Variants in CD44 observed in about 807,000 individuals in gnomAD.
CD44 encodes the protein CD44 molecule (IN blood group), also known as CD44 antigen.
In CD44, 49 loss-of-function variants were observed where a neutral mutation model predicts 88.8. That is an observed-to-expected ratio of 0.55 (90% CI 0.44 to 0.70). The LOEUF is 0.70. Among genes scored for constraint, CD44 ranks in the 30% least tolerant of loss-of-function variants. The pLI, the probability that CD44 is intolerant of heterozygous loss-of-function variation, is 0.00. For synonymous variants in CD44, 325 were observed against 312.3 expected (o/e 1.04, Z -0.43); for missense variants, 883 against 913.8 (o/e 0.97, Z 0.43).
intron 9 of CD44, among the ~76,000 whole-genome samples, chr11:35,203,569 A>C (rs1285335532): frequency 6.6e-6 from 1 of 152,168 alleles, no homozygotes; most frequent in African/African-American, 2.4e-5. Context: ...AAATGAGGAC[A>C]GTTATATTTT....
chr11:35,173,421 G>A (rs1944123044), intron 1 of CD44, among the ~76,000 whole-genome samples: 1 of 152,226 alleles, frequency 6.6e-6, no homozygotes, highest in South Asian at 2.1e-4. Context: ...AGGGCCTTAT[G>A]CATTTCCTTC....
chr11:35,187,688 A>C (rs1163562411), intron 4 of CD44, among the ~76,000 whole-genome samples: 2 of 152,190 alleles, frequency 1.3e-5, no homozygotes, highest in African/African-American at 2.4e-5. Context: ...ATAAAGAGGG[A>C]TTAATAAGTG....
At chr11:35,195,850 T>C (rs1946688324) in intron 5 of CD44, among the ~76,000 whole-genome samples, 1 of 152,180 alleles carries the variant, frequency 6.6e-6, no homozygotes, top group South Asian at 2.1e-4. Flanking sequence ...AATGTCCTGT[T>C]CTGCTTTGCA....
intron 1 of CD44, among the ~76,000 whole-genome samples, chr11:35,166,391 G>T (rs910074150): frequency 3.3e-5 from 5 of 151,828 alleles, no homozygotes; most frequent in Admixed American, 2.0e-4. Flanking sequence ...GACCAGGAGT[G>T]GGGGGTTAAA....
chr11:35,180,798 G>T (rs1213778902), intron 3 of CD44, among the ~76,000 whole-genome samples: 2 of 152,186 alleles, frequency 1.3e-5, no homozygotes, highest in Admixed American at 6.5e-5. Flanking sequence ...CACATTCAAA[G>T]TCATCCTGGA....
At chr11:35,221,594 T>G in intron 16 of CD44, 60 bp from the exon 17 acceptor site, 2 of 1,449,550 alleles carry the variant, frequency 1.4e-6, no homozygotes, top group African/African-American at 1.4e-5. Flanking sequence ...AAAGTGCATT[T>G]TTGTTTTTAC....
rs115524600 is a variant in CD44, at chr11:35,145,928, C to T, written c.67+6558C>T. On this transcript the variant is annotated intron_variant, in intron 1 of 17. Coordinates refer to ENST00000428726, the MANE Select transcript of CD44 (RefSeq NM_000610.4). Reference sequence around the variant, plus strand: ...GGGGAGCCACTTTGGCAATGGCAAACGGTGTCTCCTCTCCACAGAGCTTGT... The same window carrying T: ...GGGGAGCCACTTTGGCAATGGCAAATGGTGTCTCCTCTCCACAGAGCTTGT... 7.0e-3 allele frequency among the ~76,000 whole-genome samples: 1,069 copies of T among 152,256 alleles called. 13 individuals are homozygous for T. The highest frequency in any genetic ancestry group is 0.024 in the African/African-American group (1,011 of 41,528).
At chr11:35,189,743 G>C in intron 4 of CD44, 92 bp from the exon 5 acceptor site, 1 of 856,400 alleles carries the variant, frequency 1.2e-6, no homozygotes, top group Non-Finnish European at 1.9e-6. Flanking sequence ...CATTACAAAG[G>C]AAAATAGCTT....
chr11:35,215,069 TG>T, intron 15 of CD44, 155 bp downstream of exon 15: 4 of 430,716 alleles, frequency 9.3e-6, no homozygotes, highest in Non-Finnish European at 1.6e-5. Context: ...ACCACAATGC[TG>T]GACCCCACCC....
chr11:35,194,755 A>G (rs754037845), intron 5 of CD44, among the ~76,000 whole-genome samples: 1 of 152,230 alleles, frequency 6.6e-6, no homozygotes, highest in African/African-American at 2.4e-5. Flanking sequence ...CAATGTGTAT[A>G]TAGAATCAGA....
intron 17 of CD44, chr11:35,222,856 G>T: frequency 2.0e-6 from 2 of 985,144 alleles, no homozygotes; most frequent in Non-Finnish European, 2.4e-6. Flanking sequence ...CACCTTTATT[G>T]TGTCCCCAGA....
chr11:35,146,266 C>CT (rs1307547320), intron 1 of CD44, among the ~76,000 whole-genome samples: 9 of 152,116 alleles, frequency 5.9e-5, no homozygotes, highest in Non-Finnish European at 1.3e-4. Context: ...AGGTCTTCAG[C>CT]TTTTAAAAGT....
chr11:35,150,324 T>A lies in CD44; in HGVS notation c.67+10954T>A, dbSNP rs144885258. ...GCTAGACCAAACAAAAGATTATATA[T>A]AATCTTTCCCCAAATCAAGGCACTG... is the stretch of plus-strand genomic sequence containing the variant. On this transcript the variant is annotated intron_variant, in intron 1 of 17. Coordinates refer to ENST00000428726, the MANE Select transcript of CD44 (RefSeq NM_000610.4). Among the ~76,000 whole-genome samples the A allele has an allele frequency of 2.0e-4, 30 of 152,238 alleles. No homozygotes were observed. The East Asian group carries it at 5.8e-3, about 29-fold the overall frequency.
chr11:35,207,228 G>A (rs1947954136), intron 11 of CD44, among the ~76,000 whole-genome samples: 1 of 152,180 alleles, frequency 6.6e-6, no homozygotes, highest in African/African-American at 2.4e-5. Flanking sequence ...ATTTAGTGTT[G>A]AATCTTGAAT....
intron 4 of CD44, among the ~76,000 whole-genome samples, chr11:35,188,196 G>A (rs1356474853): frequency 6.6e-6 from 1 of 152,348 alleles, no homozygotes; most frequent in East Asian, 1.9e-4. Context: ...GCAGAGGGAT[G>A]AGAATCTTCG....
In CD44 at chr11:35,232,191, T is replaced by C. The variant is rs976707579; in HGVS notation, c.*2858T>C. On this transcript the variant is annotated 3_prime_UTR_variant, in exon 18 of 18. Coordinates refer to ENST00000428726, the MANE Select transcript of CD44 (RefSeq NM_000610.4). The stretch of plus-strand genomic sequence containing the variant: ...CTTTGTGTAAATCATTTGTTTTGAG[T>C]TTTCAAAGAATAGCCCATTGTTCAT... 6 of 152,638 alleles carry C rather than the reference T, an allele frequency of 3.9e-5. No homozygotes were observed. Among genetic ancestry groups the C allele is most frequent in the Non-Finnish European group, 8.8e-5 (6 of 68,034 alleles). The allele number at this position is 152,638 out of a possible 1,614,324, so 9.5% of individuals were successfully genotyped here. A position where few individuals can be genotyped will look rare whatever the true frequency, so the allele number is the denominator to read the frequency against.
At chr11:35,145,895 C>T (rs1859051064) in intron 1 of CD44, among the ~76,000 whole-genome samples, 1 of 152,234 alleles carries the variant, frequency 6.6e-6, no homozygotes, top group South Asian at 2.1e-4. Context: ...GGAATCCTGA[C>T]ATCCGACGGG....
chr11:35,192,967 A>AT (rs1397575065), intron 5 of CD44, among the ~76,000 whole-genome samples: 3 of 151,074 alleles, frequency 2.0e-5, no homozygotes, highest in Admixed American at 6.6e-5. Context: ...CTCTGGTACT[A>AT]TTTTTTCCTG....
intron 9 of CD44, among the ~76,000 whole-genome samples, chr11:35,202,417 G>A (rs78320778): frequency 0.038 from 5,775 of 152,168 alleles, 342 homozygotes; most frequent in African/African-American, 0.13. Flanking sequence ...CTCAAGTTGC[G>A]GCAGTGGACT....
Sources: gnomAD v4.1 joint callset for allele counts (sites outside exome capture counted in the v4.1 genomes callset) on GRCh38, gnomAD v4.1.1 for gene constraint, MANE v1.5 for transcripts, NCBI Gene and HGNC (gene_info 2026-07-23, HGNC 2026-07-21) for gene names.